NKAIN2: variants seen among roughly 807,000 people sequenced by gnomAD.
The protein encoded by NKAIN2 is sodium/potassium transporting ATPase interacting 2, also known as sodium/potassium-transporting ATPase subunit beta-1-interacting protein 2.
Under a neutral mutation model 32.6 loss-of-function variants are expected in NKAIN2, and 14 were observed. The ratio of observed to expected loss-of-function variants is 0.43; its 90% CI spans 0.28 to 0.67. NKAIN2 has a LOEUF of 0.67. Among genes scored for constraint, NKAIN2 ranks in the 30% least tolerant of loss-of-function variants. The pLI is 0.17. For missense variants in NKAIN2, 198 were observed against 258.3 expected (o/e 0.77, Z 1.60); for synonymous variants, 80 against 87.2 (o/e 0.92, Z 0.46).
intron 3 of NKAIN2, among the ~76,000 whole-genome samples, chr6:124,453,393 CCAAT>C (rs1485035659): frequency 7.0e-6 from 1 of 143,580 alleles, no homozygotes; most frequent in Non-Finnish European, 1.5e-5. Flanking sequence ...TCAGGAGGCT[CCAAT>C]CAAGCAATGA....
intron 3 of NKAIN2, among the ~76,000 whole-genome samples, chr6:124,456,338 A>G (rs1359323763): frequency 6.6e-6 from 1 of 151,858 alleles, no homozygotes; most frequent in South Asian, 2.1e-4. Flanking sequence ...ATACCTAACT[A>G]TACATCTATC....
chr6:124,387,266 TG>T (rs1302249598), intron 3 of NKAIN2, among the ~76,000 whole-genome samples: 1 of 149,710 alleles, frequency 6.7e-6, no homozygotes, highest in Non-Finnish European at 1.5e-5. Flanking sequence ...TCTTCTATTC[TG>T]TAAAAAAAGT....
intron 1 of NKAIN2, among the ~76,000 whole-genome samples, chr6:123,849,686 T>C (rs1253452946): frequency 6.6e-6 from 1 of 152,014 alleles, no homozygotes; most frequent in Non-Finnish European, 1.5e-5. Flanking sequence ...GTAGCTGGAG[T>C]GCAGGAAGCT....
intron 1 of NKAIN2, among the ~76,000 whole-genome samples, chr6:124,045,041 C>G (rs1292635654): frequency 1.3e-5 from 2 of 151,906 alleles, no homozygotes; most frequent in Non-Finnish European, 2.9e-5. Flanking sequence ...AATTATTCAG[C>G]TGAGATAATT....
chr6:124,640,086 C>T (rs998356504), intron 3 of NKAIN2, among the ~76,000 whole-genome samples: 1 of 152,028 alleles, frequency 6.6e-6, no homozygotes, highest in African/African-American at 2.4e-5. Context: ...TAAACACATA[C>T]AATTACTACG....
At chr6:124,418,628 A>G (rs1774608248) in intron 3 of NKAIN2, among the ~76,000 whole-genome samples, 1 of 149,546 alleles carries the variant, frequency 6.7e-6, no homozygotes. Context: ...AATCGTATAC[A>G]ACAAACTAGA....
chr6:124,658,078 A>T, intron 3 of NKAIN2, 108 bp from the exon 4 acceptor site: 1 of 855,152 alleles, frequency 1.2e-6, no homozygotes, highest in East Asian at 2.5e-5. Flanking sequence ...GAAAAAAAAA[A>T]CAAACAAACC....
chr6:124,746,262 T>C (rs1377668640), intron 4 of NKAIN2, among the ~76,000 whole-genome samples: 1 of 151,810 alleles, frequency 6.6e-6, no homozygotes, highest in Non-Finnish European at 1.5e-5. Flanking sequence ...ACATTCTACC[T>C]GTGAGGGCAG....
At chr6:123,856,564 A>AT (rs1775562267) in intron 1 of NKAIN2, among the ~76,000 whole-genome samples, 1 of 152,256 alleles carries the variant, frequency 6.6e-6, no homozygotes, top group African/African-American at 2.4e-5. Flanking sequence ...AAAAATGCCA[A>AT]TAAACAGAAT....
intron 4 of NKAIN2, among the ~76,000 whole-genome samples, chr6:124,696,347 C>T (rs1200897855): frequency 6.6e-6 from 1 of 152,012 alleles, no homozygotes; most frequent in Non-Finnish European, 1.5e-5. Flanking sequence ...AATTTCCTTT[C>T]ATTAAAAGTA....
intron 1 of NKAIN2, among the ~76,000 whole-genome samples, chr6:124,120,985 C>T (rs1785852512): frequency 1.3e-5 from 2 of 152,092 alleles, no homozygotes; most frequent in Non-Finnish European, 2.9e-5. Flanking sequence ...TTACCAGTCC[C>T]TGAGGGTACT....
At chr6:124,108,543 A>G (rs1331193471) in intron 1 of NKAIN2, among the ~76,000 whole-genome samples, 3 of 151,846 alleles carry the variant, frequency 2.0e-5, no homozygotes, top group African/African-American at 7.2e-5. Flanking sequence ...TCTTAGTTTG[A>G]TATAGTCTTA....
chr6:124,511,142 C>T (rs1456369066), intron 3 of NKAIN2, among the ~76,000 whole-genome samples: 1 of 151,966 alleles, frequency 6.6e-6, no homozygotes, highest in Non-Finnish European at 1.5e-5. Context: ...GAGTCCTTGG[C>T]AAGAAAAATG....
chr6:124,618,607 GA>G (rs1237301741), intron 3 of NKAIN2, among the ~76,000 whole-genome samples: 1 of 152,146 alleles, frequency 6.6e-6, no homozygotes, highest in Non-Finnish European at 1.5e-5. Flanking sequence ...TTCTCCAAAT[GA>G]AAAGAGCCAT....
intron 3 of NKAIN2, among the ~76,000 whole-genome samples, chr6:124,542,894 A>C (rs1354406833): frequency 6.6e-6 from 1 of 152,186 alleles, no homozygotes; most frequent in African/African-American, 2.4e-5. Flanking sequence ...GAATGAAAAG[A>C]AGAATTAACA....
intron 4 of NKAIN2, among the ~76,000 whole-genome samples, chr6:124,727,678 T>A (rs1009617102): frequency 6.7e-6 from 1 of 150,034 alleles, no homozygotes; most frequent in African/African-American, 2.5e-5. Flanking sequence ...ACTAACATCA[T>A]AATGACAGGA....
At chr6:124,489,725 A>T (rs1777787892) in intron 3 of NKAIN2, among the ~76,000 whole-genome samples, 1 of 151,904 alleles carries the variant, frequency 6.6e-6, no homozygotes, top group Non-Finnish European at 1.5e-5. Flanking sequence ...ATGAAGTTGA[A>T]AAATTATAAA....
intron 1 of NKAIN2, among the ~76,000 whole-genome samples, chr6:124,135,844 A>G (rs1012867088): frequency 6.6e-6 from 1 of 152,168 alleles, no homozygotes; most frequent in Non-Finnish European, 1.5e-5. Flanking sequence ...AGTAATAGTG[A>G]CACAACTTAC....
intron 3 of NKAIN2, among the ~76,000 whole-genome samples, chr6:124,457,383 G>T (rs1031873925): frequency 6.6e-6 from 1 of 151,960 alleles, no homozygotes; most frequent in Non-Finnish European, 1.5e-5. Flanking sequence ...ATGTGTGTGA[G>T]AGAGTTTTGT....
Sources: allele counts gnomAD v4.1 joint callset (sites outside exome capture counted in the v4.1 genomes callset), GRCh38; gene constraint gnomAD v4.1.1; transcripts MANE v1.5; gene names NCBI Gene and HGNC (gene_info 2026-07-23, HGNC 2026-07-21).